Variants in EPS15 observed in about 807,000 individuals in gnomAD.
The protein encoded by EPS15 is epidermal growth factor receptor pathway substrate 15, also known as epidermal growth factor receptor substrate 15.
EPS15 carries 72 observed loss-of-function variants against 113.8 expected under a neutral mutation model. The ratio of observed to expected loss-of-function variants is 0.63; its 90% CI spans 0.52 to 0.77. The LOEUF (loss-of-function observed/expected upper bound fraction) is 0.77. Among genes scored for constraint, EPS15 ranks in the 30% least tolerant of loss-of-function variants. The pLI is 0.00. For missense variants in EPS15, 1,048 were observed against 1,045.8 expected (o/e 1.00, Z -0.03); for synonymous variants, 344 against 363.4 (o/e 0.95, Z 0.61).
chr1:51,468,197 T>A (rs1654987970), intron 5 of EPS15, among the ~76,000 whole-genome samples: 1 of 152,142 alleles, frequency 6.6e-6, no homozygotes. Context: ...TGGGTTCAAA[T>A]GATCCTCCCA....
intron 12 of EPS15, among the ~76,000 whole-genome samples, chr1:51,430,998 A>G: frequency 6.7e-6 from 1 of 148,500 alleles, no homozygotes; most frequent in South Asian, 2.1e-4. Context: ...ACACACACAC[A>G]CACACACACA....
intron 20 of EPS15, among the ~76,000 whole-genome samples, chr1:51,396,749 A>G (rs773063688): frequency 5.9e-5 from 9 of 152,204 alleles, no homozygotes; most frequent in Middle Eastern, 3.2e-3. Flanking sequence ...ACAAAACTCT[A>G]TGTCAGTTTG....
chr1:51,471,543 G>C, intron 4 of EPS15, 147 bp downstream of exon 4: 1 of 640,946 alleles, frequency 1.6e-6, no homozygotes, highest in South Asian at 1.9e-5. Flanking sequence ...TCTAGTGATT[G>C]GAAATACTTT....
At chr1:51,495,176 T>C (rs1350174135) in intron 1 of EPS15, among the ~76,000 whole-genome samples, 2 of 152,138 alleles carry the variant, frequency 1.3e-5, no homozygotes, top group Non-Finnish European at 2.9e-5. Context: ...AGTAGTGACA[T>C]CACTGTGACC....
chr1:51,423,556 C>T (rs1029780657), intron 12 of EPS15: 1 of 985,392 alleles, frequency 1.0e-6, no homozygotes, highest in Non-Finnish European at 1.2e-6. Flanking sequence ...AGGCATTCCA[C>T]ACAAGGTCAG....
intron 4 of EPS15, among the ~76,000 whole-genome samples, chr1:51,469,051 AC>A (rs1279279500): frequency 6.6e-6 from 1 of 152,148 alleles, no homozygotes; most frequent in African/African-American, 2.4e-5. Flanking sequence ...AATCACTTGA[AC>A]ATGGAAGGCA....
intron 4 of EPS15, among the ~76,000 whole-genome samples, chr1:51,468,953 C>A (rs1369730658): frequency 1.3e-5 from 2 of 151,912 alleles, no homozygotes; most frequent in African/African-American, 2.4e-5. Context: ...CACGGAGAAA[C>A]CCCGTCTCTC....
At position 51,376,935 on chromosome 1, in the gene EPS15, C is replaced by T. The variant is rs1646814143; in HGVS notation, c.2120-10906G>A. Among the ~76,000 whole-genome samples the T allele has an allele frequency of 2.0e-5, 3 of 152,110 alleles. No individual in the cohort carries two copies. In the South Asian group the frequency reaches 6.2e-4, roughly 32 times the overall value. On this transcript the variant is annotated intron_variant, in intron 21 of 24. Transcript: ENST00000371733. ...TTTGGGCAAAGTACACTGAAAACCT[C>T]CTGGGAAGGATTCACCATTCTAGAT...
At chr1:51,395,639 G>A (rs1222806437) in intron 20 of EPS15, among the ~76,000 whole-genome samples, 1 of 152,184 alleles carries the variant, frequency 6.6e-6, no homozygotes, top group Non-Finnish European at 1.5e-5. Flanking sequence ...AGGTGAGGAT[G>A]TTACCAGATG....
intron 21 of EPS15, among the ~76,000 whole-genome samples, chr1:51,377,849 A>T (rs1156277624): frequency 1.3e-5 from 2 of 151,470 alleles, no homozygotes; most frequent in Non-Finnish European, 2.9e-5. Context: ...AAGATTCTCC[A>T]CCACCAAGAA....
At chr1:51,465,382 G>T in intron 5 of EPS15, 56 bp from the exon 6 acceptor site, 1 of 1,273,732 alleles carries the variant, frequency 7.9e-7, no homozygotes, top group Non-Finnish European at 1.1e-6. Flanking sequence ...AAGAAGCAAT[G>T]AAGAAAAAAT....
intron 13 of EPS15, among the ~76,000 whole-genome samples, chr1:51,421,071 T>C (rs566303062): frequency 1.3e-5 from 2 of 152,226 alleles, no homozygotes; most frequent in South Asian, 2.1e-4. Context: ...GCCACATGCA[T>C]TGCTTACTGC....
rs551461166 is a variant in EPS15, at chr1:51,355,532, T to C, written c.*1168A>G. On this transcript the variant is annotated 3_prime_UTR_variant, in exon 25 of 25. Coordinates refer to ENST00000371733, the MANE Select transcript of EPS15 (RefSeq NM_001981.3). ...GTCTGATAATCTGGCAGGTCTCTTC[T>C]CTCCCAATTAAAAAAACAAGAGTTT... 6 of 192,806 alleles carry C rather than the reference T, an allele frequency of 3.1e-5. No homozygotes were observed. The East Asian group carries it at 4.9e-4, about 16-fold the overall frequency. 11.9% of individuals were successfully genotyped at this position (192,806 alleles called of 1,614,324 possible).
chr1:51,371,523 GAA>G (rs56992324), intron 21 of EPS15, among the ~76,000 whole-genome samples: 4 of 145,006 alleles, frequency 2.8e-5, no homozygotes, highest in East Asian at 2.0e-4. Flanking sequence ...AAAAAAAAAA[GAA>G]AAAAAAAATT....
chr1:51,379,581 C>T (rs1646888426), intron 21 of EPS15, among the ~76,000 whole-genome samples: 1 of 152,162 alleles, frequency 6.6e-6, no homozygotes, highest in South Asian at 2.1e-4. Flanking sequence ...CCCAGATAAA[C>T]AAAAACTGAA....
intron 21 of EPS15, chr1:51,372,183 A>C (rs1000905080): frequency 1.2e-5 from 5 of 401,094 alleles, no homozygotes; most frequent in Admixed American, 3.2e-5. Context: ...TAAAAAATTA[A>C]GTAGTCTTCA....
chr1:51,488,484 A>AC (rs1479514074), intron 1 of EPS15, among the ~76,000 whole-genome samples: 14 of 148,838 alleles, frequency 9.4e-5, no homozygotes, highest in African/African-American at 3.6e-4. Flanking sequence ...AAAAAAAAAA[A>AC]AAAAAAAAAA....
Position 51,371,853 on chromosome 1 carries a change from T to C in EPS15, c.2120-5824A>G, listed in dbSNP as rs535006243. Reference sequence around the variant, plus strand: ...CCAGCCCCGCAAGCTCCGTTCATGGTTAAGTGTCCTATACAGATGTACCAT... The same window carrying C: ...CCAGCCCCGCAAGCTCCGTTCATGGCTAAGTGTCCTATACAGATGTACCAT... On this transcript the variant is annotated intron_variant, in intron 21 of 24. Coordinates refer to ENST00000371733, the MANE Select transcript of EPS15 (RefSeq NM_001981.3). Among the ~76,000 whole-genome samples the C allele has an allele frequency of 1.2e-4, 19 of 152,332 alleles. No homozygotes were observed. In the South Asian group the frequency reaches 3.3e-3, roughly 27 times the overall value.
Position 51,423,598 on chromosome 1 carries a change from A to G in EPS15, c.1041-1740T>C, listed in dbSNP as rs940601322. ...CTCAGCTCCTGGTTTCTGAAAGTAG[A>G]TAATAACAAAAATAGAAAACACTAC... On this transcript the variant is annotated intron_variant, in intron 12 of 24. Transcript: ENST00000371733. 3.1e-5 allele frequency: 31 copies of G among 985,400 alleles called. No individual in the cohort carries two copies. The African/African-American group carries it at 5.1e-4, about 16-fold the overall frequency. 61.0% of individuals were successfully genotyped at this position (985,400 alleles called of 1,614,324 possible).
Sources: gnomAD v4.1 joint callset for allele counts (sites outside exome capture counted in the v4.1 genomes callset) on GRCh38, gnomAD v4.1.1 for gene constraint, MANE v1.5 for transcripts, NCBI Gene and HGNC (gene_info 2026-07-23, HGNC 2026-07-21) for gene names.